GRIK4: variants seen among roughly 807,000 people sequenced by gnomAD.
GRIK4 encodes the protein glutamate ionotropic receptor kainate type subunit 4.
In GRIK4, 40 loss-of-function variants were observed where a neutral mutation model predicts 104.9. The observed-to-expected ratio is 0.38, with a 90% CI of 0.30 to 0.50. The LOEUF (loss-of-function observed/expected upper bound fraction) is 0.50. GRIK4 is among the 20% of genes least tolerant of loss of function. The pLI is 0.93. For synonymous variants in GRIK4, 485 were observed against 524.9 expected (o/e 0.92, Z 1.04); for missense variants, 1,047 against 1,308.1 (o/e 0.80, Z 3.08).
intron 1 of GRIK4, among the ~76,000 whole-genome samples, chr11:120,547,594 ATT>A (rs72165599): frequency 4.8e-5 from 7 of 145,444 alleles, no homozygotes; most frequent in African/African-American, 1.5e-4. Context: ...ACATTCAGGG[ATT>A]TTTTTTTTTT....
chr11:120,914,941 G>A (rs1212274443), intron 13 of GRIK4, among the ~76,000 whole-genome samples: 1 of 152,182 alleles, frequency 6.6e-6, no homozygotes, highest in East Asian at 1.9e-4. Flanking sequence ...CTGTGAGGAT[G>A]CCCAAGAGAG....
intron 6 of GRIK4, among the ~76,000 whole-genome samples, chr11:120,826,019 A>T (rs960050336): frequency 6.6e-6 from 1 of 152,182 alleles, no homozygotes. Context: ...CTCTGTGCTG[A>T]TACCAGGAAG....
intron 3 of GRIK4, among the ~76,000 whole-genome samples, chr11:120,792,868 G>C (rs1259865110): frequency 1.3e-5 from 2 of 152,148 alleles, no homozygotes; most frequent in Admixed American, 6.5e-5. Flanking sequence ...CTATGAAATA[G>C]ATCAATCAGG....
rs1254606039 is a variant in GRIK4, at chr11:120,967,979, CT to C, written c.2395+657del. On this transcript the variant is annotated intron_variant, in intron 19 of 20. Coordinates refer to ENST00000527524, the MANE Select transcript of GRIK4 (RefSeq NM_014619.5). The surrounding 1 kb of genome is among the most constrained non-coding windows in gnomAD (Gnocchi z 4.2). ...CCCCACCTTATTTCCCTTCTCAGAC[CT>C]CATCGCTACCTGATATTATATTTCT... Among the ~76,000 whole-genome samples the C allele has an allele frequency of 6.6e-6, 1 of 152,154 alleles. No individual in the cohort carries two copies. Among genetic ancestry groups the C allele is most frequent in the East Asian group, 1.9e-4 (1 of 5,198 alleles).
At chr11:120,776,643 G>A (rs1037646732) in intron 3 of GRIK4, among the ~76,000 whole-genome samples, 6 of 152,218 alleles carry the variant, frequency 3.9e-5, no homozygotes, top group Non-Finnish European at 8.8e-5. Context: ...TGTGGGAGCT[G>A]CTTAGCGAGT....
intron 19 of GRIK4, among the ~76,000 whole-genome samples, chr11:120,972,449 G>T (rs914217008): frequency 3.9e-5 from 6 of 152,174 alleles, no homozygotes; most frequent in African/African-American, 1.4e-4. Context: ...ATTTGCCAGA[G>T]AAGTATTTTG....
intron 2 of GRIK4, among the ~76,000 whole-genome samples, chr11:120,658,558 T>G (rs967639435): frequency 6.6e-6 from 1 of 152,024 alleles, no homozygotes; most frequent in Non-Finnish European, 1.5e-5. Context: ...TTTAAAATCA[T>G]TATAGTGAGT....
intron 1 of GRIK4, among the ~76,000 whole-genome samples, chr11:120,617,344 A>G (rs201751194): frequency 6.6e-6 from 1 of 152,030 alleles, no homozygotes; most frequent in East Asian, 1.9e-4. Context: ...TGACTGGGAA[A>G]AGCTTTTTTA....
At chr11:120,938,854 A>G (rs183913413) in intron 13 of GRIK4, among the ~76,000 whole-genome samples, 200 of 152,348 alleles carry the variant, frequency 1.3e-3, no homozygotes, top group African/African-American at 4.7e-3. Flanking sequence ...ACAAATATAG[A>G]TTCCTGCGTC....
Position 120,956,961 on chromosome 11 carries a change from C to A in GRIK4, c.1874+8C>A. 1 of 1,588,654 alleles carries A rather than the reference C, an allele frequency of 6.3e-7. No individual in the cohort carries two copies. Among genetic ancestry groups the A allele is most frequent in the South Asian group, 1.2e-5 (1 of 86,444 alleles). On this transcript the variant is annotated splice_region_variant and intron_variant, in intron 16 of 20. Coordinates refer to ENST00000527524, the MANE Select transcript of GRIK4 (RefSeq NM_014619.5). This position sits in a 1 kb window ranked among gnomAD's most constrained non-coding sequence, Gnocchi z 4.6. ...CTGTGTCAGTGGCGTCTGGTAAGGC[C>A]CCAGGCAGAGGTGAACCAGGCCAGG...
Position 120,953,065 on chromosome 11 carries a change from GTTGGGAAGATC to G in GRIK4, c.1700+106_1700+116del, listed in dbSNP as rs1318678130. 2 of 751,732 alleles carry G rather than the reference GTTGGGAAGATC, an allele frequency of 2.7e-6. No individual in the cohort carries two copies. The highest frequency in any genetic ancestry group is 2.5e-5 in the East Asian group (1 of 39,920). 46.6% of individuals were successfully genotyped at this position (751,732 alleles called of 1,614,324 possible). ...GGGGAGGAGGAGAGGGGGAGGAGGA[GTTGGGAAGATC>G]TTGGTGCCAAACTAGAAGGACAGGA... is the stretch of plus-strand genomic sequence containing the variant. On this transcript the variant is annotated intron_variant, in intron 15 of 20. Coordinates refer to ENST00000527524, the MANE Select transcript of GRIK4 (RefSeq NM_014619.5). The surrounding 1 kb of genome is among the most constrained non-coding windows in gnomAD (Gnocchi z 4.9).
intron 13 of GRIK4, among the ~76,000 whole-genome samples, chr11:120,934,919 C>A (rs1347138151): frequency 7.2e-5 from 11 of 152,152 alleles, no homozygotes; most frequent in Non-Finnish European, 1.5e-4. Flanking sequence ...TCCATCCCCC[C>A]TGGGTTACGA....
chr11:120,849,013 A>G (rs1353422025), intron 8 of GRIK4, among the ~76,000 whole-genome samples: 1 of 152,204 alleles, frequency 6.6e-6, no homozygotes, highest in African/African-American at 2.4e-5. Flanking sequence ...GGAGGAACCA[A>G]TTATCAGACA....
At chr11:120,834,280 G>A (rs565888067) in intron 7 of GRIK4, among the ~76,000 whole-genome samples, 25 of 151,962 alleles carry the variant, frequency 1.6e-4, no homozygotes, top group African/African-American at 6.0e-4. Flanking sequence ...GTGTGTGTGT[G>A]TGTGTGTGTG....
At chr11:120,919,267 C>T (rs1943176561) in intron 13 of GRIK4, among the ~76,000 whole-genome samples, 2 of 151,826 alleles carry the variant, frequency 1.3e-5, no homozygotes, top group South Asian at 4.1e-4. Flanking sequence ...GAGAGGTCAG[C>T]AGCTTAAGGT....
chr11:120,620,339 C>T, intron 1 of GRIK4: 1 of 614,522 alleles, frequency 1.6e-6, no homozygotes, highest in South Asian at 1.9e-5. Flanking sequence ...CTTTTTCTGC[C>T]CCAGCTCGAG....
chr11:120,707,048 A>G (rs1950643751), intron 3 of GRIK4, among the ~76,000 whole-genome samples: 1 of 152,212 alleles, frequency 6.6e-6, no homozygotes, highest in Admixed American at 6.5e-5. Context: ...ACAACCACAC[A>G]GAGCCTTTTT....
At chr11:120,577,740 C>T (rs908957384) in intron 1 of GRIK4, among the ~76,000 whole-genome samples, 1 of 152,184 alleles carries the variant, frequency 6.6e-6, no homozygotes, top group South Asian at 2.1e-4. Flanking sequence ...TACCACTGGG[C>T]AGCTGCTGAG....
At chr11:120,582,427 A>G (rs1948598281) in intron 1 of GRIK4, among the ~76,000 whole-genome samples, 1 of 151,980 alleles carries the variant, frequency 6.6e-6, no homozygotes, top group African/African-American at 2.4e-5. Context: ...TAAGTATAGT[A>G]CCTGATAGGT....
Sources: allele counts gnomAD v4.1 joint callset (sites outside exome capture counted in the v4.1 genomes callset), GRCh38; gene constraint gnomAD v4.1.1; non-coding constraint Gnocchi (gnomAD v3.1); transcripts MANE v1.5; gene names NCBI Gene and HGNC (gene_info 2026-07-23, HGNC 2026-07-21).